FHAD1: variants seen among roughly 807,000 people sequenced by gnomAD.
FHAD1 encodes forkhead-associated domain-containing protein 1.
FHAD1 carries 146 observed loss-of-function variants against 191.3 expected under a neutral mutation model. The observed-to-expected ratio is 0.76, with a 90% confidence interval of 0.67 to 0.88. The LOEUF (loss-of-function observed/expected upper bound fraction) is 0.88, where lower values mean the gene tolerates loss of function less well. FHAD1 is among the 40% of genes least tolerant of loss of function. FHAD1 has a pLI of 0.00. For synonymous variants in FHAD1, 616 were observed against 672.3 expected, an observed-to-expected ratio of 0.92 and a Z score of 1.29; for missense variants, 1,635 against 1,785.8, an observed-to-expected ratio of 0.92 and a Z score of 1.52.
At chr1:15,382,388 G>T (rs1278630589) in intron 31 of FHAD1, among the ~76,000 whole-genome samples, 195 bp downstream of exon 31, 1 of 152,204 alleles carries the variant, frequency 6.6e-6, no homozygotes, top group Non-Finnish European at 1.5e-5. Flanking sequence ...TGTGACCTTA[G>T]ATAGGTTTCT....
At chr1:15,285,678 C>G (rs1357722838) in intron 3 of FHAD1, among the ~76,000 whole-genome samples, 1 of 152,158 alleles carries the variant, frequency 6.6e-6, no homozygotes, top group African/African-American at 2.4e-5. Flanking sequence ...AGTGACAAAA[C>G]CAGCTCAAAC....
chr1:15,369,582 A>G, intron 26 of FHAD1, 80 bp downstream of exon 26: 1 of 1,466,466 alleles, frequency 6.8e-7, no homozygotes, highest in South Asian at 1.3e-5. Flanking sequence ...TTTTGAAGAC[A>G]CTTTCATTCT....
At chr1:15,334,831 G>T (rs1683328849) in intron 14 of FHAD1, 1 of 152,212 alleles carries the variant, frequency 6.6e-6, no homozygotes, top group African/African-American at 2.4e-5. Context: ...AGCAGCAAAT[G>T]GGGTTTCTTT....
chr1:15,264,127 C>T (rs1398905616), intron 2 of FHAD1, among the ~76,000 whole-genome samples: 1 of 152,028 alleles, frequency 6.6e-6, no homozygotes, highest in East Asian at 1.9e-4. Context: ...CTTTGAGAAT[C>T]CATATAAATT....
At chr1:15,353,726 A>G (rs12753072) in intron 20 of FHAD1, among the ~76,000 whole-genome samples, 147 of 138,370 alleles carry the variant, frequency 1.1e-3, no homozygotes, top group African/African-American at 3.9e-3. Context: ...AAAAAAAAAA[A>G]GAAAAGAAAA....
At chr1:15,302,801 C>G (rs1166870002) in intron 6 of FHAD1, among the ~76,000 whole-genome samples, 2 of 152,228 alleles carry the variant, frequency 1.3e-5, no homozygotes, top group African/African-American at 4.8e-5. Flanking sequence ...GAATTTCACC[C>G]TCAGTGCATC....
At position 15,345,446 on chromosome 1, in the gene FHAD1, A is replaced by G; in HGVS notation, c.2269A>G (p.Asn757Asp). Residue 757 changes from asparagine to aspartate, a missense_variant, in exon 18 of 34, where the codon AAC (asparagine) becomes GAC (aspartate). Coordinates refer to ENST00000688493, the MANE Select transcript of FHAD1 (RefSeq NM_001391957.1). ...GGCGAAAAGCATTACCCAGGAGAAG[A>G]ACAGAGTGAAGGAAGCATTAGAGGA... ...ALAKSITQEK[N>D]RVKEALEEEQ... 6.4e-7 allele frequency: 1 copy of G among 1,552,374 alleles called. No individual in the cohort carries two copies.
At chr1:15,361,315 A>G (rs1210014945) in intron 22 of FHAD1, among the ~76,000 whole-genome samples, 1 of 152,174 alleles carries the variant, frequency 6.6e-6, no homozygotes, top group Non-Finnish European at 1.5e-5. Context: ...CCTGGGCACT[A>G]TCAGGTGTTA....
chr1:15,251,753 T>C lies in FHAD1; in HGVS notation c.-14-18T>C. 6.6e-7 allele frequency: 1 copy of C among 1,520,942 alleles called. No homozygotes were observed. The highest frequency in any genetic ancestry group is 1.3e-5 in the South Asian group (1 of 79,630). 94.2% of individuals were successfully genotyped at this position (1,520,942 alleles called of 1,614,324 possible). ...AACTACATTTTCTAACAAAATTCTT[T>C]CTGAAAACCTTATGTAGGGAAAACA... is the stretch of plus-strand genomic sequence containing the variant. On this transcript the variant is annotated intron_variant, in intron 1 of 33. Coordinates refer to ENST00000688493, the MANE Select transcript of FHAD1 (RefSeq NM_001391957.1).
intron 14 of FHAD1, among the ~76,000 whole-genome samples, chr1:15,338,006 G>A (rs1175601559): frequency 6.6e-6 from 1 of 152,124 alleles, no homozygotes; most frequent in Admixed American, 6.5e-5. Flanking sequence ...GGTTTCAGGA[G>A]TGTCACGGCT....
chr1:15,327,375 C>T lies in FHAD1; in HGVS notation c.1557+233C>T, dbSNP rs1317769218. 1 of 486,192 alleles carries T rather than the reference C, an allele frequency of 2.1e-6. No homozygotes were observed. Among genetic ancestry groups the T allele is most frequent in the Non-Finnish European group, 3.6e-6 (1 of 274,778 alleles). The allele number at this position is 486,192 out of a possible 1,614,324, so 30.1% of individuals were successfully genotyped here. On this transcript the variant is annotated intron_variant, in intron 12 of 33. Coordinates refer to ENST00000688493, the MANE Select transcript of FHAD1 (RefSeq NM_001391957.1). This position sits in a 1 kb window ranked among gnomAD's most constrained non-coding sequence, Gnocchi z 5.1. ...TCTGTGAAAATCAAATTAAACCATT[C>T]GGGCTTACTTCTGGTCTCCAGACAT...
At chr1:15,352,735 C>A in intron 19 of FHAD1, 142 bp from the exon 20 acceptor site, 1 of 641,242 alleles carries the variant, frequency 1.6e-6, no homozygotes, top group Non-Finnish European at 2.8e-6. Context: ...TCACCTCTGT[C>A]CCCAGTGGGT....
chr1:15,394,904 A>G (rs1385556269), intron 33 of FHAD1, among the ~76,000 whole-genome samples: 1 of 152,174 alleles, frequency 6.6e-6, no homozygotes. Flanking sequence ...TATTATCCAC[A>G]GTGTGTCCAG....
At chr1:15,242,822 A>G (rs1645543347), upstream of FHAD1, among the ~76,000 whole-genome samples, 1 of 152,194 alleles carries the variant, frequency 6.6e-6, no homozygotes, top group African/African-American at 2.4e-5. Context: ...AGAAAAAGAA[A>G]ACAGGCAATA....
At position 15,360,607 on chromosome 1, in the gene FHAD1, C is replaced by T. The variant is rs1256382757; in HGVS notation, c.2866C>T (p.Gln956Ter). The change falls in exon 22 of 34, where the codon CAG (glutamine) becomes TAG (stop). Residue 956 changes from glutamine (Q) to a stop codon, truncating the protein, a stop_gained. Coordinates refer to ENST00000688493, the MANE Select transcript of FHAD1 (RefSeq NM_001391957.1). LOFTEE classifies it high-confidence loss of function. ...EYKEQIKQHA[Q>*]TIVSLEEKLQ... ...TAAGGAGCAAATCAAACAGCACGCC[C>T]AGACAATTGTGAGCCTCGAAGAGAA... The T allele has an allele frequency of 5.8e-6, 9 of 1,552,096 alleles. No individual in the cohort carries two copies. Among genetic ancestry groups the T allele is most frequent in the Non-Finnish European group, 7.0e-6 (8 of 1,147,080 alleles).
chr1:15,258,977 T>C (rs1473553023), intron 2 of FHAD1, among the ~76,000 whole-genome samples: 3 of 152,166 alleles, frequency 2.0e-5, no homozygotes, highest in Admixed American at 6.5e-5. Flanking sequence ...TTTTAATTTT[T>C]TGAGGAACTG....
chr1:15,240,271 G>A (rs532465974), intron 1 of FHAD1, among the ~76,000 whole-genome samples: 218 of 152,296 alleles, frequency 1.4e-3, no homozygotes, highest in African/African-American at 5.0e-3. Context: ...TACCCAGCAA[G>A]GAGCTGAGGC....
chr1:15,383,788 G>A (rs561565127), intron 31 of FHAD1: 9 of 380,342 alleles, frequency 2.4e-5, no homozygotes, highest in South Asian at 7.8e-5. Context: ...TGCCTGGTAC[G>A]ATGATCCCTA....
chr1:15,374,387 T>C (rs1698978270), intron 26 of FHAD1, 115 bp from the exon 27 acceptor site: 1 of 1,292,440 alleles, frequency 7.7e-7, no homozygotes, highest in Non-Finnish European at 1.1e-6. Context: ...ATGCTATTTT[T>C]CCAAAGGTGC....
Sources: allele counts gnomAD v4.1 joint callset (sites outside exome capture counted in the v4.1 genomes callset), GRCh38; gene constraint gnomAD v4.1.1; non-coding constraint Gnocchi (gnomAD v3.1); transcripts MANE v1.5; gene names NCBI Gene and HGNC (gene_info 2026-07-23, HGNC 2026-07-21).